Variants in CCSER1 observed in about 807,000 individuals in gnomAD.
CCSER1 encodes the protein coiled-coil serine rich protein 1, also known as serine-rich coiled-coil domain-containing protein 1.
In CCSER1, 41 loss-of-function variants were observed where a neutral mutation model predicts 82.0. That is an observed-to-expected ratio of 0.50 (90% CI 0.39 to 0.65). The LOEUF (loss-of-function observed/expected upper bound fraction) is 0.65, where lower values mean the gene tolerates loss of function less well. Among genes scored for constraint, CCSER1 ranks in the 30% least tolerant of loss-of-function variants. The pLI is 0.00. For missense variants in CCSER1, 1,119 were observed against 1,064.2 expected (o/e 1.05, Z -0.72); for synonymous variants, 414 against 383.9 (o/e 1.08, Z -0.92).
At chr4:91,196,224 TC>T (rs1464227980) in intron 10 of CCSER1, among the ~76,000 whole-genome samples, 2 of 149,332 alleles carry the variant, frequency 1.3e-5, no homozygotes, top group African/African-American at 4.9e-5. Context: ...TTTAAATGGA[TC>T]CTCAAAGACT....
intron 5 of CCSER1, among the ~76,000 whole-genome samples, chr4:90,552,550 C>T (rs1579118027): frequency 6.6e-6 from 1 of 152,000 alleles, no homozygotes; most frequent in African/African-American, 2.4e-5. Flanking sequence ...CTCCACTTCC[C>T]GGGCTCAAGC....
At chr4:90,853,974 A>T (rs1268604718) in intron 8 of CCSER1, among the ~76,000 whole-genome samples, 1 of 152,236 alleles carries the variant, frequency 6.6e-6, no homozygotes, top group Non-Finnish European at 1.5e-5. Context: ...ATTTTAGGAC[A>T]TACTATATGC....
chr4:90,576,048 C>T (rs1166508034), intron 5 of CCSER1, among the ~76,000 whole-genome samples: 1 of 151,900 alleles, frequency 6.6e-6, no homozygotes, highest in Admixed American at 6.6e-5. Context: ...TGTTCCCTCT[C>T]TGTTTTCCCT....
chr4:91,418,217 G>T (rs146247124), intron 10 of CCSER1, among the ~76,000 whole-genome samples: 1 of 134,890 alleles, frequency 7.4e-6, no homozygotes, highest in Non-Finnish European at 1.6e-5. Flanking sequence ...CATCAGGAAA[G>T]AAATAATACA....
chr4:90,674,020 T>C (rs1371211515), intron 6 of CCSER1, among the ~76,000 whole-genome samples: 2 of 151,974 alleles, frequency 1.3e-5, no homozygotes, highest in African/African-American at 2.4e-5. Context: ...GGATGCTAAC[T>C]CTCTTGATGT....
At chr4:90,585,942 T>C (rs758567547) in intron 5 of CCSER1, among the ~76,000 whole-genome samples, 1 of 152,202 alleles carries the variant, frequency 6.6e-6, no homozygotes, top group African/African-American at 2.4e-5. Flanking sequence ...TTATTTTCTA[T>C]TATTATCCTA....
At chr4:91,219,272 G>T (rs537170833) in intron 10 of CCSER1, among the ~76,000 whole-genome samples, 2 of 148,018 alleles carry the variant, frequency 1.4e-5, no homozygotes, top group African/African-American at 5.0e-5. Context: ...TTTTCTTTGG[G>T]CAAATAAAAG....
intron 6 of CCSER1, among the ~76,000 whole-genome samples, chr4:90,689,384 C>A (rs1272763970): frequency 6.6e-6 from 1 of 152,006 alleles, no homozygotes; most frequent in Admixed American, 6.6e-5. Flanking sequence ...AAAAACAATT[C>A]TTTATAGTGC....
At chr4:90,250,338 A>G (rs1408595966) in intron 1 of CCSER1, among the ~76,000 whole-genome samples, 1 of 152,086 alleles carries the variant, frequency 6.6e-6, no homozygotes, top group African/African-American at 2.4e-5. Flanking sequence ...ATTTTCTTCT[A>G]AGACTTTTAT....
chr4:90,320,764 G>C (rs1429328689), intron 3 of CCSER1, among the ~76,000 whole-genome samples: 1 of 152,060 alleles, frequency 6.6e-6, no homozygotes, highest in Admixed American at 6.6e-5. Context: ...TTTGAGATGA[G>C]TCATTTTCAT....
At position 91,409,387 on chromosome 4, in the gene CCSER1, T is replaced by G. The variant is rs1163709405; in HGVS notation, c.2218-189185T>G. 3.9e-5 allele frequency among the ~76,000 whole-genome samples: 6 copies of G among 152,186 alleles called. No homozygotes were observed. The East Asian group carries it at 1.2e-3, about 29-fold the overall frequency. On this transcript the variant is annotated intron_variant, in intron 10 of 10. Coordinates refer to ENST00000509176, the MANE Select transcript of CCSER1 (RefSeq NM_001145065.2). ...ATTCATTGTAGGTTATTAGTGAGAT[T>G]TAATTTACACTGACATTTCCAGTGA... is the stretch of plus-strand genomic sequence containing the variant.
At chr4:90,170,005 G>C (rs879932267) in intron 1 of CCSER1, among the ~76,000 whole-genome samples, 5 of 151,744 alleles carry the variant, frequency 3.3e-5, no homozygotes, top group Non-Finnish European at 7.4e-5. Flanking sequence ...CACCTAGATA[G>C]ATAATTCCTC....
intron 3 of CCSER1, among the ~76,000 whole-genome samples, chr4:90,320,055 C>T (rs568094000): frequency 6.6e-6 from 1 of 152,160 alleles, no homozygotes; most frequent in Admixed American, 6.5e-5. Context: ...TTTCAGTACC[C>T]TTCTAAATTG....
At chr4:90,150,966 T>C (rs974750117) in intron 1 of CCSER1, among the ~76,000 whole-genome samples, 3 of 151,516 alleles carry the variant, frequency 2.0e-5, no homozygotes, top group African/African-American at 7.3e-5. Flanking sequence ...TAGATTGTTA[T>C]TTTTTTTTCC....
Position 91,595,452 on chromosome 4 carries a change from T to C in CCSER1, c.2218-3120T>C, listed in dbSNP as rs547734699. ...ATAAAAGTGTTCCAAGTGATTAGGT[T>C]CTAAAAGATGAAATAAATACCTCTC... is the stretch of plus-strand genomic sequence containing the variant. On this transcript the variant is annotated intron_variant, in intron 10 of 10. Coordinates refer to ENST00000509176, the MANE Select transcript of CCSER1 (RefSeq NM_001145065.2). 1.1e-3 allele frequency among the ~76,000 whole-genome samples: 162 copies of C among 152,272 alleles called. 1 individual carries two copies. The highest frequency in any genetic ancestry group is 3.8e-3 in the African/African-American group (159 of 41,574).
chr4:91,401,888 G>C (rs1752362063), intron 10 of CCSER1, among the ~76,000 whole-genome samples: 1 of 152,248 alleles, frequency 6.6e-6, no homozygotes, highest in East Asian at 1.9e-4. Flanking sequence ...ATAGCAGCAT[G>C]ATTTATAATC....
At position 91,011,965 on chromosome 4, in the gene CCSER1, A is replaced by G. The variant is rs1739036858; in HGVS notation, c.2173-73985A>G. On this transcript the variant is annotated intron_variant, in intron 9 of 10. Coordinates refer to ENST00000509176, the MANE Select transcript of CCSER1 (RefSeq NM_001145065.2). Reference sequence around the variant, plus strand: ...AGCTTAGACTCTAGGGAGATAATACAGCTCCAGGGAAGCTAAGTACTAGAA... The same window carrying G: ...AGCTTAGACTCTAGGGAGATAATACGGCTCCAGGGAAGCTAAGTACTAGAA... Among the ~76,000 whole-genome samples, 2 of 134,874 alleles carry G rather than the reference A, an allele frequency of 1.5e-5. 1 individual carries two copies. The highest frequency in any genetic ancestry group is 4.8e-4 in the South Asian group (2 of 4,206). The allele number at this position is 134,874 out of a possible 152,430, so 88.5% of individuals were successfully genotyped here. A position where few individuals can be genotyped will look rare whatever the true frequency, so the allele number is the denominator to read the frequency against.
intron 1 of CCSER1, among the ~76,000 whole-genome samples, chr4:90,135,123 T>C (rs561835075): frequency 6.6e-6 from 1 of 152,298 alleles, no homozygotes; most frequent in Non-Finnish European, 1.5e-5. Context: ...TCGGAAGCAT[T>C]CTTTCTATAT....
intron 1 of CCSER1, among the ~76,000 whole-genome samples, chr4:90,304,597 A>G (rs1452221271): frequency 1.3e-5 from 2 of 152,124 alleles, no homozygotes; most frequent in African/African-American, 2.4e-5. Context: ...GAATTGAACA[A>G]TGAGAACACA....
Sources: allele counts gnomAD v4.1 joint callset (sites outside exome capture counted in the v4.1 genomes callset), GRCh38; gene constraint gnomAD v4.1.1; transcripts MANE v1.5; gene names NCBI Gene and HGNC (gene_info 2026-07-23, HGNC 2026-07-21).